The following CSMD3 variants were observed in gnomAD, a reference collection of about 807,000 sequenced individuals.
CSMD3 encodes the protein CUB and Sushi multiple domains 3.
CSMD3 carries 177 observed loss-of-function variants against 435.2 expected under a neutral mutation model. The ratio of observed to expected loss-of-function variants is 0.41; its 90% confidence interval spans 0.36 to 0.46. CSMD3 has a LOEUF of 0.46. Ranked by LOEUF, CSMD3 falls within the 20% of genes least tolerant of loss-of-function variation. The pLI is 0.34. For missense variants in CSMD3, 4,265 were observed against 4,504.6 expected (o/e 0.95, Z 1.52); for synonymous variants, 1,656 against 1,520.5 (o/e 1.09, Z -2.07).
chr8:113,436,894 G>A lies in CSMD3; in HGVS notation c.-40C>T, dbSNP rs2130160824. On this transcript the variant is annotated 5_prime_UTR_variant, in exon 1 of 71. Coordinates refer to ENST00000297405, the MANE Select transcript of CSMD3 (RefSeq NM_198123.2). ...CCTAATTCCTGCTCCTCAGCCCGGC[G>A]CAGTGGAGTTGTTGCTGTTGTTGGT... The A allele has an allele frequency of 6.2e-7, 1 of 1,610,676 alleles. No individual in the cohort carries two copies. The highest frequency in any genetic ancestry group is 8.5e-7 in the Non-Finnish European group (1 of 1,178,294).
At chr8:112,377,860 G>T (rs1282254038) in intron 38 of CSMD3, among the ~76,000 whole-genome samples, 1 of 151,824 alleles carries the variant, frequency 6.6e-6, no homozygotes, top group Non-Finnish European at 1.5e-5. Flanking sequence ...ACATAATAAA[G>T]ACCATATATG....
At chr8:112,499,087 C>T (rs1179419635) in intron 30 of CSMD3, among the ~76,000 whole-genome samples, 1 of 151,658 alleles carries the variant, frequency 6.6e-6, no homozygotes, top group Non-Finnish European at 1.5e-5. Flanking sequence ...GGGGGATGCA[C>T]ATGGTAAGTA....
At chr8:113,357,635 C>T (rs909854911) in intron 1 of CSMD3, among the ~76,000 whole-genome samples, 2 of 152,140 alleles carry the variant, frequency 1.3e-5, no homozygotes, top group South Asian at 4.1e-4. Context: ...TATGGTTTGG[C>T]TTGTGCCCCC....
chr8:112,740,890 A>T lies in CSMD3; in HGVS notation c.1973-50840T>A, dbSNP rs541717187. ...TGAGTATTTCTGCATGTTTGGCCAT[A>T]AGAAGTATGGAGGGGAAAATCACAG... On this transcript the variant is annotated intron_variant, in intron 13 of 70. Transcript: ENST00000297405. 2.0e-5 allele frequency among the ~76,000 whole-genome samples: 3 copies of T among 152,068 alleles called. No individual in the cohort carries two copies. In the East Asian group the frequency reaches 5.8e-4, roughly 29 times the overall value.
At chr8:113,271,038 T>A (rs1385164265) in intron 3 of CSMD3, among the ~76,000 whole-genome samples, 1 of 151,470 alleles carries the variant, frequency 6.6e-6, no homozygotes, top group Non-Finnish European at 1.5e-5. Context: ...GTGTGGAACT[T>A]TGCACTTCAG....
chr8:112,923,229 C>T (rs2082801450), intron 9 of CSMD3, among the ~76,000 whole-genome samples: 1 of 152,032 alleles, frequency 6.6e-6, no homozygotes, highest in African/African-American at 2.4e-5. Context: ...AAATAGTATC[C>T]AGAGCAAACT....
intron 13 of CSMD3, among the ~76,000 whole-genome samples, chr8:112,709,317 T>C (rs1276545043): frequency 6.6e-6 from 1 of 151,900 alleles, no homozygotes; most frequent in African/African-American, 2.4e-5. Flanking sequence ...TATTGAAAAA[T>C]AGGTGTACAC....
chr8:112,594,289 C>A (rs377046396), intron 22 of CSMD3, among the ~76,000 whole-genome samples: 1 of 152,172 alleles, frequency 6.6e-6, no homozygotes, highest in African/African-American at 2.4e-5. Flanking sequence ...CACTCCCACT[C>A]GAATATTGCG....
intron 27 of CSMD3, among the ~76,000 whole-genome samples, chr8:112,548,347 C>T (rs1415762382): frequency 6.6e-6 from 1 of 152,102 alleles, no homozygotes. Context: ...ATGTAGAACT[C>T]CATTGCAGCT....
chr8:113,179,873 T>A (rs2092399613), intron 3 of CSMD3, among the ~76,000 whole-genome samples: 1 of 151,532 alleles, frequency 6.6e-6, no homozygotes. Context: ...TCTCATTCTT[T>A]AAAAAAAATA....
intron 1 of CSMD3, among the ~76,000 whole-genome samples, chr8:113,382,898 T>C (rs2094422916): frequency 6.6e-6 from 1 of 152,118 alleles, no homozygotes; most frequent in Non-Finnish European, 1.5e-5. Flanking sequence ...GGAGAATCCC[T>C]TGAACATGGC....
intron 3 of CSMD3, among the ~76,000 whole-genome samples, chr8:113,227,784 C>G (rs2093044221): frequency 6.6e-6 from 1 of 151,608 alleles, no homozygotes; most frequent in Non-Finnish European, 1.5e-5. Flanking sequence ...AATTAAACTT[C>G]CTTTATTTAT....
chr8:112,657,291 G>A (rs1476079077), intron 17 of CSMD3, among the ~76,000 whole-genome samples: 1 of 151,996 alleles, frequency 6.6e-6, no homozygotes, highest in Non-Finnish European at 1.5e-5. Flanking sequence ...TCTAAGTCCT[G>A]ACCTCAAGTG....
rs1160264849 is a variant in CSMD3, at chr8:113,227,900, AT to A, written c.514+50691del. ...AGTGCTAGTTTAATAATTACAGTAA[AT>A]CAAGAGCTTAATGAAAATCTCTCCA... On this transcript the variant is annotated intron_variant, in intron 3 of 70. Coordinates refer to ENST00000297405, the MANE Select transcript of CSMD3 (RefSeq NM_198123.2). Among the ~76,000 whole-genome samples the A allele has an allele frequency of 6.6e-5, 10 of 151,780 alleles. No individual in the cohort carries two copies. The South Asian group carries it at 2.1e-3, about 31-fold the overall frequency.
At chr8:112,354,917 C>T (rs1826450984) in intron 38 of CSMD3, among the ~76,000 whole-genome samples, 1 of 152,046 alleles carries the variant, frequency 6.6e-6, no homozygotes, top group African/African-American at 2.4e-5. Flanking sequence ...AAAAAAAGAA[C>T]AAAGCTACAG....
At chr8:112,505,923 C>CT (rs1453079251) in intron 29 of CSMD3, among the ~76,000 whole-genome samples, 1 of 152,172 alleles carries the variant, frequency 6.6e-6, no homozygotes, top group African/African-American at 2.4e-5. Context: ...ATATGTCCTT[C>CT]TACCCTCAAG....
chr8:113,187,020 A>G (rs2092513837), intron 3 of CSMD3, among the ~76,000 whole-genome samples: 1 of 151,972 alleles, frequency 6.6e-6, no homozygotes, highest in African/African-American at 2.4e-5. Flanking sequence ...GGGTGGATTT[A>G]CATACCTTCT....
chr8:112,460,623 T>G (rs1397583530), intron 32 of CSMD3, among the ~76,000 whole-genome samples: 2 of 152,122 alleles, frequency 1.3e-5, no homozygotes, highest in African/African-American at 4.8e-5. Flanking sequence ...TGAAAGATTT[T>G]AATTTGAATT....
At chr8:112,959,455 C>A (rs962013687) in intron 7 of CSMD3, among the ~76,000 whole-genome samples, 3 of 151,846 alleles carry the variant, frequency 2.0e-5, no homozygotes, top group African/African-American at 4.8e-5. Flanking sequence ...ATAATTCAAT[C>A]ATATCATAAT....
Sources: allele counts gnomAD v4.1 joint callset (sites outside exome capture counted in the v4.1 genomes callset), GRCh38; gene constraint gnomAD v4.1.1; transcripts MANE v1.5; gene names NCBI Gene and HGNC (gene_info 2026-07-23, HGNC 2026-07-21).